SPHKAP: variants seen among roughly 807,000 people sequenced by gnomAD.
The protein encoded by SPHKAP is A-kinase anchor protein SPHKAP.
SPHKAP carries 67 observed loss-of-function variants against 137.5 expected under a neutral mutation model. The observed-to-expected ratio is 0.49, with a 90% CI of 0.40 to 0.60. The LOEUF (loss-of-function observed/expected upper bound fraction) is 0.60, where lower values mean the gene tolerates loss of function less well. SPHKAP is among the 20% of genes least tolerant of loss of function. The pLI, the probability that SPHKAP is intolerant of heterozygous loss-of-function variation, is 0.00. For missense variants in SPHKAP, 2,097 were observed against 2,069.3 expected (o/e 1.01, Z -0.26); for synonymous variants, 813 against 785.3 (o/e 1.04, Z -0.59).
intron 1 of SPHKAP, among the ~76,000 whole-genome samples, chr2:228,170,746 A>C (rs13420693): frequency 0.041 from 6,249 of 152,210 alleles, 169 homozygotes; most frequent in Non-Finnish European, 0.062. Flanking sequence ...AAAACCAAAA[A>C]AATTTTGTGC....
At chr2:227,995,307 G>A (rs1269153118) in intron 8 of SPHKAP, among the ~76,000 whole-genome samples, 1 of 152,184 alleles carries the variant, frequency 6.6e-6, no homozygotes, top group Non-Finnish European at 1.5e-5. Context: ...CACGGCCAAA[G>A]TAATTTAAGC....
At position 228,033,924 on chromosome 2, in the gene SPHKAP, G is replaced by C. The variant is rs187065481; in HGVS notation, c.247-6381C>G. Among the ~76,000 whole-genome samples the C allele has an allele frequency of 1.1e-4, 16 of 152,256 alleles. No homozygotes were observed. In the East Asian group the frequency reaches 3.1e-3, roughly 29 times the overall value. On this transcript the variant is annotated intron_variant, in intron 3 of 11. Coordinates refer to ENST00000392056, the MANE Select transcript of SPHKAP (RefSeq NM_001142644.2). ...TACCACTAAATGCCCACAAGAGAAA[G>C]CAGGAAAAATCCAAAATCGACACCC...
At chr2:228,071,342 A>G (rs564576119) in intron 3 of SPHKAP, among the ~76,000 whole-genome samples, 24 of 152,310 alleles carry the variant, frequency 1.6e-4, no homozygotes, top group African/African-American at 5.3e-4. Context: ...TTTTTTGTCA[A>G]TGATTTTCTT....
rs188986244 is a variant in SPHKAP, at chr2:228,174,242, A to G, written c.32+7325T>C. On this transcript the variant is annotated intron_variant, in intron 1 of 11. Transcript: ENST00000392056. Reference sequence around the variant, plus strand: ...GTATTTTGAGAAAGACTGAATCAAAAGATATTCAGAAAGAAAGTGATATCT... The same window carrying G: ...GTATTTTGAGAAAGACTGAATCAAAGGATATTCAGAAAGAAAGTGATATCT... 4.6e-5 allele frequency among the ~76,000 whole-genome samples: 7 copies of G among 152,340 alleles called. No individual in the cohort carries two copies. In the East Asian group the frequency reaches 1.2e-3, roughly 25 times the overall value.
At chr2:228,080,722 TAAAA>T (rs1451481465) in intron 3 of SPHKAP, among the ~76,000 whole-genome samples, 33 of 1,562 alleles carry the variant, frequency 0.021, no homozygotes, top group Non-Finnish European at 0.039. Flanking sequence ...TAAAATAAAA[TAAAA>T]TAAAATAAAA....
At chr2:227,981,928 C>T in intron 11 of SPHKAP, 68 bp from the exon 12 acceptor site, 2 of 1,529,718 alleles carry the variant, frequency 1.3e-6, no homozygotes, top group Non-Finnish European at 8.8e-7. Context: ...CATTCAACCA[C>T]CCTCGCGAAG....
intron 2 of SPHKAP, chr2:228,131,228 A>G: frequency 1.1e-6 from 1 of 903,244 alleles, no homozygotes; most frequent in Non-Finnish European, 1.3e-6. Context: ...CATCTATAAG[A>G]ATTTTTATAA....
chr2:228,091,018 A>T (rs1332303546), intron 3 of SPHKAP, among the ~76,000 whole-genome samples: 3 of 152,228 alleles, frequency 2.0e-5, no homozygotes, highest in Admixed American at 2.0e-4. Flanking sequence ...TAAAAATAGT[A>T]GTAACATGCA....
At chr2:228,057,897 G>T (rs1696501635) in intron 3 of SPHKAP, among the ~76,000 whole-genome samples, 1 of 152,080 alleles carries the variant, frequency 6.6e-6, no homozygotes, top group Non-Finnish European at 1.5e-5. Context: ...TATTTGGTTT[G>T]GAGCTTTGTT....
intron 3 of SPHKAP, among the ~76,000 whole-genome samples, chr2:228,065,295 T>C (rs943666073): frequency 1.3e-5 from 2 of 152,216 alleles, no homozygotes; most frequent in African/African-American, 4.8e-5. Flanking sequence ...GACTAGTTTA[T>C]TAGCTTGAAA....
chr2:228,050,864 T>C (rs1376560134), intron 3 of SPHKAP, among the ~76,000 whole-genome samples: 1 of 152,184 alleles, frequency 6.6e-6, no homozygotes, highest in African/African-American at 2.4e-5. Flanking sequence ...TGGAGTGCTG[T>C]GGTATAATCT....
At chr2:228,067,735 C>A (rs530908431) in intron 3 of SPHKAP, among the ~76,000 whole-genome samples, 13 of 152,242 alleles carry the variant, frequency 8.5e-5, no homozygotes, top group African/African-American at 3.1e-4. Flanking sequence ...AGGGCGTAAT[C>A]AGAGTTTTAT....
intron 7 of SPHKAP, among the ~76,000 whole-genome samples, chr2:228,003,474 G>T (rs1693992491): frequency 6.6e-6 from 1 of 152,106 alleles, no homozygotes; most frequent in African/African-American, 2.4e-5. Flanking sequence ...CTGAAACGAT[G>T]GGGTTTTCTA....
chr2:228,048,550 T>C (rs1288102446), intron 3 of SPHKAP, among the ~76,000 whole-genome samples: 1 of 152,186 alleles, frequency 6.6e-6, no homozygotes, highest in African/African-American at 2.4e-5. Flanking sequence ...AGAACGCATA[T>C]ATGACTGTTC....
At chr2:228,052,093 G>A (rs1696275767) in intron 3 of SPHKAP, among the ~76,000 whole-genome samples, 1 of 151,978 alleles carries the variant, frequency 6.6e-6, no homozygotes, top group Non-Finnish European at 1.5e-5. Flanking sequence ...ATAATAAAAG[G>A]TGGTGTGGAT....
intron 11 of SPHKAP, among the ~76,000 whole-genome samples, chr2:227,987,352 A>G (rs1173684827): frequency 6.6e-6 from 1 of 152,120 alleles, no homozygotes; most frequent in Non-Finnish European, 1.5e-5. Flanking sequence ...CAAGGTTGCT[A>G]TTTACAATCT....
chr2:228,091,175 A>G (rs72973788), intron 3 of SPHKAP, among the ~76,000 whole-genome samples: 10,239 of 152,288 alleles, frequency 0.067, 489 homozygotes, highest in Middle Eastern at 0.2. Flanking sequence ...GATTAAAAAT[A>G]AAAAACATGC....
chr2:228,003,052 C>A lies in SPHKAP; in HGVS notation c.4449-7358G>T. Among the ~76,000 whole-genome samples, 2 of 152,182 alleles carry A rather than the reference C, an allele frequency of 1.3e-5. 1 individual carries two copies. Among genetic ancestry groups the A allele is most frequent in the East Asian group, 3.8e-4 (2 of 5,198 alleles). On this transcript the variant is annotated intron_variant, in intron 7 of 11. Coordinates refer to ENST00000392056, the MANE Select transcript of SPHKAP (RefSeq NM_001142644.2). ...CTTAGGATTGACTTGGCAATGCGGG[C>A]TCTTTTTTGGTTCCATGTGAACTTT...
chr2:227,982,224 C>T (rs751661364), intron 11 of SPHKAP: 15 of 985,184 alleles, frequency 1.5e-5, no homozygotes, highest in Non-Finnish European at 1.6e-5. Context: ...ATTACAGCTC[C>T]CAGTCCCTTC....
Sources: allele counts gnomAD v4.1 joint callset (sites outside exome capture counted in the v4.1 genomes callset), GRCh38; gene constraint gnomAD v4.1.1; transcripts MANE v1.5; gene names NCBI Gene and HGNC (gene_info 2026-07-23, HGNC 2026-07-21).